The following KCNT2 variants were observed in gnomAD, a reference collection of about 807,000 sequenced individuals.
KCNT2 encodes potassium channel subfamily T member 2.
A neutral mutation model predicts 153.8 loss-of-function variants in KCNT2; 67 were observed. The observed-to-expected ratio is 0.44, with a 90% CI of 0.36 to 0.53. The LOEUF is 0.53. Among genes scored for constraint, KCNT2 ranks in the 20% least tolerant of loss-of-function variants. KCNT2 has a pLI of 0.00. For missense variants in KCNT2, 975 were observed against 1,354.8 expected, an observed-to-expected ratio of 0.72 and a Z score of 4.40; for synonymous variants, 500 against 458.8, an observed-to-expected ratio of 1.09 and a Z score of -1.15.
intron 8 of KCNT2, among the ~76,000 whole-genome samples, chr1:196,462,906 A>G (rs1269459968): frequency 6.6e-6 from 1 of 151,670 alleles, no homozygotes; most frequent in East Asian, 1.9e-4. Context: ...ACCCAGCTAG[A>G]CAATGTTTTT....
rs1157586426 is a variant in KCNT2 at position 196,225,799 on chromosome 1, T to A, written c.*2425A>T. On this transcript the variant is annotated 3_prime_UTR_variant, in exon 28 of 28. Coordinates refer to ENST00000294725, the MANE Select transcript of KCNT2 (RefSeq NM_198503.5). ...AAGAGTTTTCATCATTAGAAATAAT[T>A]TTATTATTTATTTTAAAGCAGTTCA... is the stretch of plus-strand genomic sequence containing the variant. 3 of 152,110 alleles carry A rather than the reference T, an allele frequency of 2.0e-5. No individual in the cohort carries two copies. Among genetic ancestry groups the A allele is most frequent in the African/African-American group, 7.2e-5 (3 of 41,434 alleles). 9.4% of individuals were successfully genotyped at this position (152,110 alleles called of 1,614,324 possible).
At chr1:196,299,174 T>C (rs1057238480) in intron 22 of KCNT2, among the ~76,000 whole-genome samples, 4 of 152,110 alleles carry the variant, frequency 2.6e-5, no homozygotes, top group Non-Finnish European at 5.9e-5. Context: ...TTTTTTCTAT[T>C]GTTGTTTTCT....
intron 8 of KCNT2, among the ~76,000 whole-genome samples, chr1:196,457,381 C>T (rs758765864): frequency 2.2e-4 from 34 of 151,508 alleles, no homozygotes; most frequent in Non-Finnish European, 3.4e-4. Flanking sequence ...GTAAACTGAA[C>T]TTAGAGCAGT....
At chr1:196,308,666 C>G (rs920164948) in intron 21 of KCNT2, among the ~76,000 whole-genome samples, 3 of 151,834 alleles carry the variant, frequency 2.0e-5, no homozygotes, top group South Asian at 4.1e-4. Context: ...AACTGAGGAC[C>G]AAAGAGACAA....
intron 1 of KCNT2, among the ~76,000 whole-genome samples, chr1:196,554,836 T>C (rs1451037093): frequency 1.3e-5 from 2 of 151,146 alleles, no homozygotes; most frequent in African/African-American, 2.4e-5. Context: ...GGTCAACATA[T>C]GCAAATCAAT....
At chr1:196,254,475 A>C (rs1449762392) in intron 26 of KCNT2, among the ~76,000 whole-genome samples, 1 of 151,570 alleles carries the variant, frequency 6.6e-6, no homozygotes, top group Non-Finnish European at 1.5e-5. Context: ...CAATTATTAA[A>C]AGTTGCAAAA....
At chr1:196,245,090 A>AC (rs1655316546) in intron 26 of KCNT2, among the ~76,000 whole-genome samples, 1 of 152,168 alleles carries the variant, frequency 6.6e-6, no homozygotes, top group African/African-American at 2.4e-5. Context: ...CTTATGCAAT[A>AC]CCAACAATGT....
chr1:196,457,614 A>T (rs1676790423), intron 8 of KCNT2, among the ~76,000 whole-genome samples: 1 of 151,946 alleles, frequency 6.6e-6, no homozygotes, highest in Non-Finnish European at 1.5e-5. Flanking sequence ...GAGGTGAAAG[A>T]AAATAAGGTA....
At chr1:196,482,065 T>C (rs1679064161) in intron 4 of KCNT2, among the ~76,000 whole-genome samples, 1 of 152,170 alleles carries the variant, frequency 6.6e-6, no homozygotes, top group Admixed American at 6.5e-5. Context: ...TGTGGAGCCT[T>C]AAAGCAGTAG....
chr1:196,548,487 T>C (rs1657419722), intron 1 of KCNT2, among the ~76,000 whole-genome samples: 1 of 151,970 alleles, frequency 6.6e-6, no homozygotes, highest in Non-Finnish European at 1.5e-5. Flanking sequence ...ATGGCAATCA[T>C]TAAAAAGTCA....
intron 13 of KCNT2, among the ~76,000 whole-genome samples, chr1:196,391,056 A>G (rs1369114239): frequency 6.6e-6 from 1 of 151,334 alleles, no homozygotes; most frequent in Non-Finnish European, 1.5e-5. Flanking sequence ...AGACTAGAGC[A>G]TAACTGGAAT....
intron 16 of KCNT2, among the ~76,000 whole-genome samples, chr1:196,334,443 T>C (rs181947403): frequency 3.3e-5 from 5 of 151,056 alleles, no homozygotes; most frequent in Admixed American, 2.6e-4. Flanking sequence ...TTTTTCATTA[T>C]GTGTTTCCCC....
chr1:196,597,282 T>A (rs1266177974), intron 1 of KCNT2, among the ~76,000 whole-genome samples: 1 of 152,016 alleles, frequency 6.6e-6, no homozygotes, highest in African/African-American at 2.4e-5. Flanking sequence ...AAAAAAAGGT[T>A]TTTAAGGAAG....
chr1:196,479,130 A>T (rs1242783373), intron 5 of KCNT2, 49 bp downstream of exon 5: 1 of 1,155,584 alleles, frequency 8.7e-7, no homozygotes, highest in Non-Finnish European at 1.3e-6. Flanking sequence ...CTGAGTAAAT[A>T]CTACAGATGT....
intron 1 of KCNT2, among the ~76,000 whole-genome samples, chr1:196,571,211 T>A (rs1660740673): frequency 1.3e-5 from 2 of 152,106 alleles, no homozygotes; most frequent in South Asian, 4.1e-4. Context: ...ATATTAGCAT[T>A]AAACAGAAAA....
chr1:196,268,260 T>TA (rs1657733201), intron 25 of KCNT2, among the ~76,000 whole-genome samples: 1 of 152,100 alleles, frequency 6.6e-6, no homozygotes, highest in African/African-American at 2.4e-5. Context: ...GCCTCATACA[T>TA]ACACAAAATA....
At chr1:196,419,768 T>A (rs867588987) in intron 12 of KCNT2, among the ~76,000 whole-genome samples, 1 of 152,034 alleles carries the variant, frequency 6.6e-6, no homozygotes, top group Non-Finnish European at 1.5e-5. Context: ...TTTTCCACCC[T>A]TAGTTTTGAA....
chr1:196,269,657 T>A (rs1277839997), intron 25 of KCNT2, among the ~76,000 whole-genome samples: 1 of 152,120 alleles, frequency 6.6e-6, no homozygotes, highest in Non-Finnish European at 1.5e-5. Flanking sequence ...ACAGCCTTTT[T>A]TTCCCCTGTA....
chr1:196,259,436 C>T (rs1207724522), intron 25 of KCNT2, among the ~76,000 whole-genome samples: 1 of 152,100 alleles, frequency 6.6e-6, no homozygotes, highest in East Asian at 1.9e-4. Flanking sequence ...AAAACATGCA[C>T]ATGCAAATGA....
Sources: gnomAD v4.1 joint callset for allele counts (sites outside exome capture counted in the v4.1 genomes callset) on GRCh38, gnomAD v4.1.1 for gene constraint, MANE v1.5 for transcripts, NCBI Gene and HGNC (gene_info 2026-07-23, HGNC 2026-07-21) for gene names.